ZAR1L: variants seen among roughly 807,000 people sequenced by gnomAD.
ZAR1L encodes zygote arrest 1 like, also known as protein ZAR1-like.
Under a neutral mutation model 30.0 loss-of-function variants are expected in ZAR1L, and 16 were observed. The observed-to-expected ratio is 0.53, with a 90% CI of 0.36 to 0.81. The LOEUF is 0.81. Among genes scored for constraint, ZAR1L ranks in the 30% least tolerant of loss-of-function variants. ZAR1L has a pLI of 0.00. For synonymous variants in ZAR1L, 197 were observed against 166.8 expected, an observed-to-expected ratio of 1.18 and a Z score of -1.40; for missense variants, 392 against 417.2, an observed-to-expected ratio of 0.94 and a Z score of 0.53.
At chr13:32,306,930 CAAAAAAA>C (rs369500221) in intron 5 of ZAR1L, among the ~76,000 whole-genome samples, 1 of 59,078 alleles carries the variant, frequency 1.7e-5, no homozygotes, top group Non-Finnish European at 2.8e-5. Context: ...GACTCTATCT[CAAAAAAA>C]AAAAAAAAAA....
At position 32,304,003 on chromosome 13, in the gene ZAR1L, C is replaced by G; in HGVS notation, c.842G>C (p.Cys281Ser). 6.4e-7 allele frequency: 1 copy of G among 1,551,994 alleles called. No homozygotes were observed. Among genetic ancestry groups the G allele is most frequent in the East Asian group, 2.4e-5 (1 of 40,922 alleles). ...GTGTCTCTTCTTTTGAGGACAGGAA[C>G]AATGAGACTTTGAGCAGGTCTTTAG... ...IQCQTCSKSH[C>S]SCPQKKRHID... Residue 281 changes from cysteine (C) to serine (S), a missense_variant, in exon 6 of 6, where the codon TGT (cysteine) becomes TCT (serine). Cys to Ser is a moderately radical substitution (Grantham distance 112). Transcript: ENST00000533490.
intron 4 of ZAR1L, among the ~76,000 whole-genome samples, chr13:32,309,593 T>C (rs2072199016): frequency 6.6e-6 from 1 of 152,234 alleles, no homozygotes; most frequent in Non-Finnish European, 1.5e-5. Context: ...GACATCAAGC[T>C]GTCTTCCCTC....
rs1194868917 is a variant in ZAR1L at position 32,310,765 on chromosome 13, T to C, written c.655-34A>G. 15 of 1,416,026 alleles carry C rather than the reference T, an allele frequency of 1.1e-5. No homozygotes were observed. The South Asian group carries it at 1.2e-4, about 12-fold the overall frequency. The allele number at this position is 1,416,026 out of a possible 1,614,324, so 87.7% of individuals were successfully genotyped here. ...AAAGAAGAAAAGTACTTTACCATCA[T>C]GCAAGGGGAAAAAAGCCAGATCCTT... On this transcript the variant is annotated intron_variant, in intron 3 of 5. Coordinates refer to ENST00000533490, the MANE Select transcript of ZAR1L (RefSeq NM_001136571.2).
intron 4 of ZAR1L, 24 bp from the exon 5 acceptor site, chr13:32,308,784 T>A (rs1248930975): frequency 2.7e-6 from 4 of 1,500,418 alleles, no homozygotes; most frequent in African/African-American, 1.4e-5. Context: ...TGTTTTTTTT[T>A]AATACAAGCT....
intron 5 of ZAR1L, among the ~76,000 whole-genome samples, chr13:32,305,047 G>T (rs1414837893): frequency 6.6e-6 from 1 of 151,980 alleles, no homozygotes; most frequent in African/African-American, 2.4e-5. Context: ...CTGACCTGAG[G>T]TGATCCGTCC....
chr13:32,303,771 G>A lies in ZAR1L; in HGVS notation c.*108C>T, dbSNP rs2072155351. 3.6e-6 allele frequency: 4 copies of A among 1,099,966 alleles called. No individual in the cohort carries two copies. The South Asian group carries it at 5.1e-5, about 14-fold the overall frequency. 68.1% of individuals were successfully genotyped at this position (1,099,966 alleles called of 1,614,324 possible). On this transcript the variant is annotated 3_prime_UTR_variant, in exon 6 of 6. Transcript: ENST00000533490. ...TACACAATCTACAAAAAGTACAAAA[G>A]CCTAGCCATTTTCCGATGCCAGGTC...
chr13:32,311,931 C>G lies in ZAR1L; in HGVS notation c.-6G>C, dbSNP rs571400021. 180 of 1,539,234 alleles carry G rather than the reference C, an allele frequency of 1.2e-4. No individual in the cohort carries two copies. The highest frequency in any genetic ancestry group is 1.5e-4 in the Non-Finnish European group (172 of 1,140,300). On this transcript the variant is annotated 5_prime_UTR_variant, in exon 3 of 6. Coordinates refer to ENST00000533490, the MANE Select transcript of ZAR1L (RefSeq NM_001136571.2). ...ACACGGACAAAGCGCTCCATCCGCT[C>G]TCAGGTGCTCAGGCGCAGTCTAATA...
intron 2 of ZAR1L, 58 bp from the exon 3 acceptor site, chr13:32,312,151 T>A (rs1340683497): frequency 3.8e-6 from 2 of 532,768 alleles, no homozygotes; most frequent in Non-Finnish European, 6.4e-6. Flanking sequence ...GATTCCTACC[T>A]AATTGCTTTT....
intron 4 of ZAR1L, among the ~76,000 whole-genome samples, chr13:32,309,460 A>T (rs567775022): frequency 6.6e-6 from 1 of 152,288 alleles, no homozygotes; most frequent in African/African-American, 2.4e-5. Flanking sequence ...TACACTTTAA[A>T]TTACTTGTGG....
intron 5 of ZAR1L, among the ~76,000 whole-genome samples, chr13:32,304,593 G>A (rs2072160614): frequency 6.6e-6 from 1 of 152,144 alleles, no homozygotes; most frequent in Non-Finnish European, 1.5e-5. Flanking sequence ...GGGTATTCTG[G>A]AGGAAACTAA....
chr13:32,311,365 C>G lies in ZAR1L; in HGVS notation c.561G>C (p.Ser187=), dbSNP rs761105461. ...GAGGGCACGGGGCGTCTTTCTCCCC[C>G]GATTCCTCCAGCTGCCCGGGCTCCT... The part of the protein sequence containing the change: ...RQEEPGQLEE[S]GEKDAPCPQE... Residue 187 remains serine (S), a synonymous_variant, in exon 3 of 6, where the codon TCG becomes TCC. Coordinates refer to ENST00000533490, the MANE Select transcript of ZAR1L (RefSeq NM_001136571.2). The G allele has an allele frequency of 1.3e-6, 2 of 1,550,926 alleles. No individual in the cohort carries two copies. Among genetic ancestry groups the G allele is most frequent in the South Asian group, 1.2e-5 (1 of 84,064 alleles).
intron 5 of ZAR1L, among the ~76,000 whole-genome samples, chr13:32,304,963 C>CT (rs1342664260): frequency 1.3e-5 from 2 of 152,050 alleles, no homozygotes; most frequent in Non-Finnish European, 1.5e-5. Context: ...GCAATCGCCA[C>CT]TATGCCCAGC....
At chr13:32,314,757 C>A (rs1566213392) in intron 1 of ZAR1L, among the ~76,000 whole-genome samples, 2 of 152,128 alleles carry the variant, frequency 1.3e-5, no homozygotes, top group East Asian at 1.9e-4. Context: ...GAGGCTGAGG[C>A]AGGAGAACCA....
chr13:32,305,295 T>C (rs538294197), intron 5 of ZAR1L, among the ~76,000 whole-genome samples: 9 of 152,194 alleles, frequency 5.9e-5, no homozygotes, highest in South Asian at 4.1e-4. Flanking sequence ...GGCGCTATCT[T>C]GGCTCACTGC....
At position 32,311,675 on chromosome 13, in the gene ZAR1L, C is replaced by T. The variant is rs1442044525; in HGVS notation, c.251G>A (p.Cys84Tyr). Reference sequence around the variant, plus strand: ...GCCCACCTCCTTGGTGTTGGGCTTGCACAGCCGCGGGCTCAGGCTGGGGTT... The same window carrying T: ...GCCCACCTCCTTGGTGTTGGGCTTGTACAGCCGCGGGCTCAGGCTGGGGTT... ...QMNPSLSPRL[C>Y]KPNTKEVGVQ... The change falls in exon 3 of 6, where the codon TGC (cysteine) becomes TAC (tyrosine). Residue 84 changes from cysteine (C) to tyrosine (Y), a missense_variant. By Grantham distance (194) the Cys-to-Tyr change is radical. Transcript: ENST00000533490. The T allele has an allele frequency of 6.4e-7, 1 of 1,551,550 alleles. No homozygotes were observed. Among genetic ancestry groups the T allele is most frequent in the Non-Finnish European group, 8.7e-7 (1 of 1,147,006 alleles).
At chr13:32,309,302 G>C (rs188473182) in intron 4 of ZAR1L, among the ~76,000 whole-genome samples, 1 of 152,082 alleles carries the variant, frequency 6.6e-6, no homozygotes, top group African/African-American at 2.4e-5. Context: ...AGAATAATAC[G>C]ATTAATACTT....
chr13:32,307,862 G>A (rs1276862830), intron 5 of ZAR1L, among the ~76,000 whole-genome samples: 1 of 152,086 alleles, frequency 6.6e-6, no homozygotes, highest in Non-Finnish European at 1.5e-5. Context: ...GAGTGCAGTG[G>A]TGCCATCTCA....
chr13:32,310,726 C>T lies in ZAR1L; in HGVS notation c.660G>A (p.Leu220=). Reference sequence around the variant, plus strand: ...AGTGGAAATAGCCATATTTTGGTTCCAAAAACTGAAAATAAAGAAGAAAAG... The same window carrying T: ...AGTGGAAATAGCCATATTTTGGTTCTAAAAACTGAAAATAAAGAAGAAAAG... ...EPLRRPNFQF[L]EPKYGYFHCK... The change falls in exon 4 of 6, where the codon TTG becomes TTA. Residue 220 remains leucine (L), a synonymous_variant. Coordinates refer to ENST00000533490, the MANE Select transcript of ZAR1L (RefSeq NM_001136571.2). 1 of 1,549,046 alleles carries T rather than the reference C, an allele frequency of 6.5e-7. No homozygotes were observed. Among genetic ancestry groups the T allele is most frequent in the Non-Finnish European group, 8.7e-7 (1 of 1,144,824 alleles).
chr13:32,306,749 G>A (rs1437468350), intron 5 of ZAR1L, among the ~76,000 whole-genome samples: 4 of 152,004 alleles, frequency 2.6e-5, no homozygotes, highest in Admixed American at 6.5e-5. Context: ...TGGCCAACAT[G>A]GAGAAACCCT....
Sources: gnomAD v4.1 joint callset for allele counts (sites outside exome capture counted in the v4.1 genomes callset) on GRCh38, gnomAD v4.1.1 for gene constraint, MANE v1.5 for transcripts, NCBI Gene and HGNC (gene_info 2026-07-23, HGNC 2026-07-21) for gene names.